ANXA10: variants seen among roughly 807,000 people sequenced by gnomAD.
ANXA10 encodes the protein annexin 14.
ANXA10 carries 49 observed loss-of-function variants against 53.5 expected under a neutral mutation model. That is an observed-to-expected ratio of 0.92 (90% confidence interval 0.73 to 1.16). ANXA10 has a LOEUF of 1.16. Ranked by LOEUF, ANXA10 falls within the 50% of genes most tolerant of loss-of-function variation. The pLI is 0.00. For missense variants in ANXA10, 393 were observed against 394.4 expected (o/e 1.00, Z 0.03); for synonymous variants, 131 against 128.9 (o/e 1.02, Z -0.11).
intron 1 of ANXA10, among the ~76,000 whole-genome samples, chr4:168,103,423 T>G (rs925510952): frequency 2.6e-5 from 4 of 152,098 alleles, no homozygotes; most frequent in East Asian, 1.9e-4. Flanking sequence ...AAACTGTTTT[T>G]TCTCTATCAA....
intron 11 of ANXA10, 71 bp downstream of exon 11, chr4:168,184,752 T>C: frequency 6.4e-7 from 1 of 1,571,980 alleles, no homozygotes. Flanking sequence ...AAAGTTCTCA[T>C]TCAAATAACT....
At chr4:168,135,456 A>G (rs1731221439) in intron 2 of ANXA10, among the ~76,000 whole-genome samples, 1 of 152,244 alleles carries the variant, frequency 6.6e-6, no homozygotes, top group African/African-American at 2.4e-5. Context: ...GTTTTCTAAA[A>G]TAAATGCTCT....
intron 3 of ANXA10, among the ~76,000 whole-genome samples, 164 bp from the exon 4 acceptor site, chr4:168,162,364 T>G (rs753518755): frequency 6.6e-6 from 1 of 152,210 alleles, no homozygotes; most frequent in Non-Finnish European, 1.5e-5. Flanking sequence ...ATTTTCAAGT[T>G]CATCATCTCA....
At chr4:168,153,707 T>C (rs1224023827) in intron 3 of ANXA10, among the ~76,000 whole-genome samples, 2 of 152,122 alleles carry the variant, frequency 1.3e-5, no homozygotes, top group Non-Finnish European at 2.9e-5. Context: ...GAATTTTACC[T>C]GAGTTAAATC....
intron 1 of ANXA10, among the ~76,000 whole-genome samples, chr4:168,108,250 C>T (rs1180161487): frequency 1.3e-5 from 2 of 152,090 alleles, no homozygotes; most frequent in African/African-American, 4.8e-5. Context: ...GTCTTTATGA[C>T]CTATATCTTG....
At chr4:168,152,492 C>G (rs1188916409) in intron 3 of ANXA10, among the ~76,000 whole-genome samples, 1 of 152,078 alleles carries the variant, frequency 6.6e-6, no homozygotes, top group South Asian at 2.1e-4. Flanking sequence ...GAATAAAACA[C>G]TGAGTGTTCA....
chr4:168,178,098 C>A, intron 8 of ANXA10, 115 bp downstream of exon 8: 1 of 888,616 alleles, frequency 1.1e-6, no homozygotes, highest in Non-Finnish European at 1.7e-6. Context: ...AGTCAGTTAT[C>A]TCAAAGGTAC....
chr4:168,122,940 T>A (rs1731010945), intron 1 of ANXA10, among the ~76,000 whole-genome samples: 1 of 152,182 alleles, frequency 6.6e-6, no homozygotes, highest in Non-Finnish European at 1.5e-5. Flanking sequence ...TGTGAAGGAA[T>A]TTGTGTAATC....
intron 3 of ANXA10, among the ~76,000 whole-genome samples, chr4:168,139,863 T>C (rs1249419249): frequency 6.6e-6 from 1 of 152,210 alleles, no homozygotes; most frequent in African/African-American, 2.4e-5. Context: ...TTTGATGAAC[T>C]TACATTGCCA....
In ANXA10 at chr4:168,177,968, C is replaced by G. The variant is rs1732164688; in HGVS notation, c.613C>G (p.Gln205Glu). The G allele has an allele frequency of 3.7e-6, 6 of 1,613,504 alleles. No homozygotes were observed. Among genetic ancestry groups the G allele is most frequent in the Non-Finnish European group, 5.1e-6 (6 of 1,179,948 alleles). The change falls in exon 8 of 12, where the codon CAG becomes GAG. Residue 205 changes from glutamine (Q) to glutamate (E), a missense_variant. By Grantham distance (29) the Gln-to-Glu change is conservative. Transcript: ENST00000359299. ...LQMILCNKSY[Q>E]QLRLVFQEFQ... ...AATGATCCTGTGCAACAAGAGCTACCAGCAGCTGCGGCTGGGTAATTATTA... is the reference window on the plus strand; with the variant it reads ...AATGATCCTGTGCAACAAGAGCTACGAGCAGCTGCGGCTGGGTAATTATTA...
chr4:168,107,016 A>C (rs1220273048), intron 1 of ANXA10, among the ~76,000 whole-genome samples: 1 of 152,186 alleles, frequency 6.6e-6, no homozygotes, highest in Non-Finnish European at 1.5e-5. Context: ...AAAAGTATGG[A>C]GGGCCTCATG....
chr4:168,099,933 T>C (rs1730614100), intron 1 of ANXA10, among the ~76,000 whole-genome samples: 1 of 152,110 alleles, frequency 6.6e-6, no homozygotes, highest in South Asian at 2.1e-4. Flanking sequence ...ACAAGTGAGT[T>C]AGTCCCTTTC....
intron 3 of ANXA10, among the ~76,000 whole-genome samples, chr4:168,156,540 G>A (rs1434686112): frequency 6.7e-6 from 1 of 148,518 alleles, no homozygotes; most frequent in East Asian, 2.0e-4. Flanking sequence ...TCTCCACTCT[G>A]TCACCCAGGC....
intron 3 of ANXA10, among the ~76,000 whole-genome samples, chr4:168,154,210 G>T (rs1055363349): frequency 1.3e-5 from 2 of 152,142 alleles, no homozygotes; most frequent in Admixed American, 1.3e-4. Context: ...TGCAATGCTT[G>T]CATAGTCTTC....
In ANXA10 at chr4:168,187,472, TAG is replaced by T; in HGVS notation, c.*40_*41del. The T allele has an allele frequency of 7.4e-7, 1 of 1,349,528 alleles. No individual in the cohort carries two copies. Among genetic ancestry groups the T allele is most frequent in the South Asian group, 1.5e-5 (1 of 66,234 alleles). The allele number at this position is 1,349,528 out of a possible 1,614,324, so 83.6% of individuals were successfully genotyped here. ...TTGGAGTACTGTGCACTCCTCTTTC[TAG>T]ACACTTCCAAATAGAGATTTTCTCA... On this transcript the variant is annotated 3_prime_UTR_variant, in exon 12 of 12. Transcript: ENST00000359299.
chr4:168,120,929 C>T (rs1396755321), intron 1 of ANXA10, among the ~76,000 whole-genome samples: 1 of 151,952 alleles, frequency 6.6e-6, no homozygotes, highest in East Asian at 1.9e-4. Flanking sequence ...TTTCTTGCTT[C>T]ATATCCAGAT....
At chr4:168,155,354 A>G (rs2149475119) in intron 3 of ANXA10, among the ~76,000 whole-genome samples, 1 of 121,836 alleles carries the variant, frequency 8.2e-6, no homozygotes, top group East Asian at 2.1e-4. Context: ...AATATATTAT[A>G]TATTATATAA....
At chr4:168,118,306 A>C (rs1346629761) in intron 1 of ANXA10, among the ~76,000 whole-genome samples, 1 of 152,238 alleles carries the variant, frequency 6.6e-6, no homozygotes, top group Non-Finnish European at 1.5e-5. Context: ...CTTTCAGCTG[A>C]AATGAGTATG....
At chr4:168,178,547 C>T (rs1446301903) in intron 8 of ANXA10, among the ~76,000 whole-genome samples, 2 of 152,108 alleles carry the variant, frequency 1.3e-5, no homozygotes, top group Non-Finnish European at 2.9e-5. Context: ...CCCAATCCCA[C>T]ATCTAGACTT....
Sources: gnomAD v4.1 joint callset for allele counts (sites outside exome capture counted in the v4.1 genomes callset) on GRCh38, gnomAD v4.1.1 for gene constraint, MANE v1.5 for transcripts, NCBI Gene and HGNC (gene_info 2026-07-23, HGNC 2026-07-21) for gene names.